The following TREML2 variants were observed in gnomAD, a reference collection of about 807,000 sequenced individuals.
TREML2 encodes the protein triggering receptor expressed on myeloid cells like 2, also known as trem-like transcript 2 protein.
TREML2 carries 24 observed loss-of-function variants against 25.9 expected under a neutral mutation model. The ratio of observed to expected loss-of-function variants is 0.93; its 90% CI spans 0.67 to 1.30. The LOEUF (loss-of-function observed/expected upper bound fraction) is 1.30, where lower values mean the gene tolerates loss of function less well. TREML2 is among the 50% of genes most tolerant of loss of function. The pLI is 0.00. For synonymous variants in TREML2, 139 were observed against 155.2 expected, an observed-to-expected ratio of 0.90 and a Z score of 0.77; for missense variants, 359 against 395.6, an observed-to-expected ratio of 0.91 and a Z score of 0.78.
Position 41,192,247 on chromosome 6 carries a change from GAAC to G in TREML2, c.*177_*179del, listed in dbSNP as rs1357162499. 7.5e-5 allele frequency: 45 copies of G among 602,426 alleles called. No individual in the cohort carries two copies. In the East Asian group the frequency reaches 1.3e-3, roughly 17 times the overall value. 37.3% of individuals were successfully genotyped at this position (602,426 alleles called of 1,614,324 possible). On this transcript the variant is annotated 3_prime_UTR_variant, in exon 5 of 5. Coordinates refer to ENST00000483722, the MANE Select transcript of TREML2 (RefSeq NM_024807.4). ...CTCCCCAGGTTCCTGCCCCCAAGGA[GAAC>G]ACTGGGCTGTGGGGCTGCTTAGGAT... is the stretch of plus-strand genomic sequence containing the variant.
chr6:41,199,976 T>C (rs1394428370), intron 1 of TREML2, among the ~76,000 whole-genome samples: 3 of 152,344 alleles, frequency 2.0e-5, no homozygotes, highest in Non-Finnish European at 4.4e-5. Context: ...CAGTGCATGC[T>C]CAACTCATGC....
chr6:41,194,756 C>T lies in TREML2; in HGVS notation c.454G>A (p.Ala152Thr). ...GGGGCATCAGGGCCTGAGGTAGGGG[C>T]TTGGCCAGTTGTGACAGTTCCACTC... ...LKSGTVTTGQ[A>T]PTSGPDAPFT... is the part of the protein sequence containing the mutation. The change falls in exon 3 of 5, where the codon GCC (alanine) becomes ACC (threonine). Residue 152 changes from alanine to threonine, a missense_variant. By Grantham distance (58) the Ala-to-Thr change is moderately conservative. Coordinates refer to ENST00000483722, the MANE Select transcript of TREML2 (RefSeq NM_024807.4). The T allele has an allele frequency of 6.2e-7, 1 of 1,613,296 alleles. No individual in the cohort carries two copies. Among genetic ancestry groups the T allele is most frequent in the South Asian group, 1.1e-5 (1 of 90,932 alleles).
At chr6:41,196,894 A>T (rs1247911236) in intron 2 of TREML2, among the ~76,000 whole-genome samples, 13 of 152,220 alleles carry the variant, frequency 8.5e-5, no homozygotes, top group Non-Finnish European at 1.2e-4. Context: ...TCTAGGAGGT[A>T]TCTTAAACTT....
chr6:41,200,998 G>C lies in TREML2; in HGVS notation c.11C>G (p.Ala4Gly). The change falls in exon 1 of 5, where the codon GCC becomes GGC. Residue 4 changes from alanine to glycine, a missense_variant. Transcript: ENST00000483722. The stretch of plus-strand genomic sequence containing the variant: ...CCACAGCAGCAGCAGCAGCAGGAAG[G>C]CTGGGGCCATGGTTCCATCCAGCTG... MAP[A>G]FLLLLLLWPQ... The C allele has an allele frequency of 2.5e-6, 4 of 1,601,294 alleles. No homozygotes were observed. Among genetic ancestry groups the C allele is most frequent in the Non-Finnish European group, 3.4e-6 (4 of 1,173,456 alleles).
At chr6:41,195,443 A>G (rs1582097229) in intron 2 of TREML2, among the ~76,000 whole-genome samples, 2 of 152,332 alleles carry the variant, frequency 1.3e-5, no homozygotes, top group South Asian at 4.1e-4. Context: ...GTGAGGCATC[A>G]ACCTAGCAGT....
At chr6:41,192,751 AGT>A in intron 4 of TREML2, 48 bp downstream of exon 4, 2 of 1,522,452 alleles carry the variant, frequency 1.3e-6, no homozygotes, top group Non-Finnish European at 1.8e-6. Flanking sequence ...CCCTTAGTGC[AGT>A]TACCCAGAGC....
At chr6:41,197,534 T>G (rs1561890223) in intron 2 of TREML2, among the ~76,000 whole-genome samples, 1 of 152,192 alleles carries the variant, frequency 6.6e-6, no homozygotes, top group Non-Finnish European at 1.5e-5. Flanking sequence ...CTGCTTGGTG[T>G]TGTCTGCTAA....
rs757236280 is a variant in TREML2, at chr6:41,192,459, G to A, written c.934C>T (p.Pro312Ser). ...AAGTAGACTTCCACATAGGGCTCTGGTCTTCCAGGTGGGTCACGTGTAGAA... is the reference window on the plus strand; with the variant it reads ...AAGTAGACTTCCACATAGGGCTCTGATCTTCCAGGTGGGTCACGTGTAGAA... ...DPSTRDPPGR[P>S]EPYVEVYLI Residue 312 changes from proline (P) to serine (S), a missense_variant, in exon 5 of 5, where the codon CCA becomes TCA. Pro to Ser is a moderately conservative substitution (Grantham distance 74). Transcript: ENST00000483722. 6.2e-7 allele frequency: 1 copy of A among 1,614,048 alleles called. No homozygotes were observed. Among genetic ancestry groups the A allele is most frequent in the Non-Finnish European group, 8.5e-7 (1 of 1,179,966 alleles).
chr6:41,196,066 AT>A (rs992487355), intron 2 of TREML2, among the ~76,000 whole-genome samples: 1 of 152,126 alleles, frequency 6.6e-6, no homozygotes, highest in African/African-American at 2.4e-5. Flanking sequence ...TGGAATAAGG[AT>A]TTTTTTTATT....
chr6:41,192,779 C>T (rs1766090961), intron 4 of TREML2, 22 bp downstream of exon 4: 1 of 1,601,512 alleles, frequency 6.2e-7, no homozygotes, highest in Non-Finnish European at 8.5e-7. Context: ...CCTCAGGAGG[C>T]TGGGAGGTGG....
intron 1 of TREML2, among the ~76,000 whole-genome samples, chr6:41,200,617 T>A (rs1284625007): frequency 6.6e-6 from 1 of 152,218 alleles, no homozygotes; most frequent in African/African-American, 2.4e-5. Context: ...CAATGATTGC[T>A]GTCATAACTA....
Position 41,201,144 on chromosome 6 carries a change from C to G in TREML2, c.-136G>C. The G allele has an allele frequency of 1.0e-6, 1 of 999,534 alleles. No homozygotes were observed. The highest frequency in any genetic ancestry group is 1.6e-6 in the Non-Finnish European group (1 of 623,898). The allele number at this position is 999,534 out of a possible 1,614,324, so 61.9% of individuals were successfully genotyped here. ...AAGCTGCCCATTTAGGGAAGTGAGGCAGTGTGGGACCCACTGCCCCCAGCC... is the reference window on the plus strand; with the variant it reads ...AAGCTGCCCATTTAGGGAAGTGAGGGAGTGTGGGACCCACTGCCCCCAGCC... On this transcript the variant is annotated 5_prime_UTR_variant, in exon 1 of 5. Transcript: ENST00000483722.
At chr6:41,192,993 AGCGTGCCCTTCC>A in intron 3 of TREML2, 92 bp from the exon 4 acceptor site, 2 of 1,060,174 alleles carry the variant, frequency 1.9e-6, no homozygotes, top group Non-Finnish European at 2.7e-6. Context: ...AAACCCTGAG[AGCGTGCCCTTCC>A]CGGGGTAGAC....
intron 1 of TREML2, among the ~76,000 whole-genome samples, chr6:41,200,656 G>T (rs983122909): frequency 2.6e-5 from 4 of 152,234 alleles, no homozygotes; most frequent in Non-Finnish European, 5.9e-5. Context: ...AGGCCAAGCA[G>T]AGAAAGCTAT....
rs761910388 is a variant in TREML2, at chr6:41,194,528, T to C, written c.682A>G (p.Ile228Val). ...CTGAGGTCCCCAGACTTAGTGGAGATGGATTCTGGGCCAGCAGAGGAGTCC... is the reference window on the plus strand; with the variant it reads ...CTGAGGTCCCCAGACTTAGTGGAGACGGATTCTGGGCCAGCAGAGGAGTCC... ...ARDSSAGPES[I>V]STKSGDLSTR... Residue 228 changes from isoleucine to valine, a missense_variant, in exon 3 of 5, where the codon ATC (isoleucine) becomes GTC (valine). By Grantham distance (29) the Ile-to-Val change is conservative. Coordinates refer to ENST00000483722, the MANE Select transcript of TREML2 (RefSeq NM_024807.4). 3.1e-6 allele frequency: 5 copies of C among 1,613,750 alleles called. No homozygotes were observed. The highest frequency in any genetic ancestry group is 4.2e-6 in the Non-Finnish European group (5 of 1,179,950).
chr6:41,199,690 TCA>T (rs1264768128), intron 1 of TREML2, among the ~76,000 whole-genome samples: 1 of 152,098 alleles, frequency 6.6e-6, no homozygotes, highest in Non-Finnish European at 1.5e-5. Context: ...TCTGATAATT[TCA>T]CCCCAGAGTC....
rs773358579 is a variant in TREML2 at position 41,198,320 on chromosome 6, C to T, written c.165G>A (p.Trp55Ter). ...GYKNRVEGKV[W>*]CKIRKKKCEP... ...CACACTTCTTCTTCCTGATTTTGCA[C>T]CAAACCTTGCCCTCCACGCGGTTTT... The change falls in exon 2 of 5, where the codon TGG becomes TGA. Residue 55 changes from tryptophan (W) to a stop codon, truncating the protein, a stop_gained. Transcript: ENST00000483722. LOFTEE classifies it high-confidence loss of function. 15 of 1,614,110 alleles carry T rather than the reference C, an allele frequency of 9.3e-6. No individual in the cohort carries two copies. The East Asian group carries it at 2.9e-4, about 31-fold the overall frequency.
rs760720511 is a variant in TREML2, at chr6:41,194,765, T to C, written c.445A>G (p.Thr149Ala). 3.1e-6 allele frequency: 5 copies of C among 1,612,184 alleles called. No homozygotes were observed. The highest frequency in any genetic ancestry group is 2.2e-5 in the South Asian group (2 of 90,778). ...DNILKSGTVT[T>A]GQAPTSGPDA... ...GGGCCTGAGGTAGGGGCTTGGCCAGTTGTGACAGTTCCACTCTTGAGGATG... is the reference window on the plus strand; with the variant it reads ...GGGCCTGAGGTAGGGGCTTGGCCAGCTGTGACAGTTCCACTCTTGAGGATG... The change falls in exon 3 of 5, where the codon ACT becomes GCT. Residue 149 changes from threonine (T) to alanine (A), a missense_variant. Transcript: ENST00000483722.
chr6:41,196,675 AC>A (rs1766171936), intron 2 of TREML2, among the ~76,000 whole-genome samples: 1 of 152,144 alleles, frequency 6.6e-6, no homozygotes, highest in African/African-American at 2.4e-5. Context: ...GAAACCCCTT[AC>A]TGTTTATCTA....
Sources: gnomAD v4.1 joint callset for allele counts (sites outside exome capture counted in the v4.1 genomes callset) on GRCh38, gnomAD v4.1.1 for gene constraint, MANE v1.5 for transcripts, NCBI Gene and HGNC (gene_info 2026-07-23, HGNC 2026-07-21) for gene names.